FAM107B: variants seen among roughly 807,000 people sequenced by gnomAD.
The protein encoded by FAM107B is protein FAM107B.
In FAM107B, 21 loss-of-function variants were observed where a neutral mutation model predicts 31.5. The ratio of observed to expected loss-of-function variants is 0.67; its 90% confidence interval spans 0.47 to 0.96. The LOEUF (loss-of-function observed/expected upper bound fraction) is 0.96, where lower values mean the gene tolerates loss of function less well. Ranked by LOEUF, FAM107B falls within the 40% of genes least tolerant of loss-of-function variation. The pLI is 0.00. For synonymous variants in FAM107B, 157 were observed against 141.5 expected (o/e 1.11, Z -0.78); for missense variants, 452 against 377.1 (o/e 1.20, Z -1.64).
chr10:14,558,342 C>G (rs1294122236), intron 2 of FAM107B, among the ~76,000 whole-genome samples: 1 of 152,230 alleles, frequency 6.6e-6, no homozygotes, highest in African/African-American at 2.4e-5. Flanking sequence ...TTTGCTCCCT[C>G]TAGCTTTCAG....
rs117873166 is a variant in FAM107B, at chr10:14,692,192, C to T, written c.412-24501G>A. 3.3e-3 allele frequency among the ~76,000 whole-genome samples: 505 copies of T among 152,222 alleles called. 8 individuals carry two copies. The East Asian group carries it at 0.049, about 15-fold the overall frequency. On this transcript the variant is annotated intron_variant, in intron 1 of 4. Coordinates refer to ENST00000181796, the MANE Select transcript of FAM107B (RefSeq NM_031453.4). Reference sequence around the variant, plus strand: ...TCTGCATGATACAATCAGACATCCACCCACAATTTGCTCTGGGTGGAAAGA... The same window carrying T: ...TCTGCATGATACAATCAGACATCCATCCACAATTTGCTCTGGGTGGAAAGA...
chr10:14,583,617 T>C (rs2131314981), intron 2 of FAM107B, among the ~76,000 whole-genome samples: 1 of 151,940 alleles, frequency 6.6e-6, no homozygotes. Flanking sequence ...CCCACCCCAG[T>C]CCTAAAGGTA....
intron 1 of FAM107B, among the ~76,000 whole-genome samples, chr10:14,739,124 C>T (rs533187504): frequency 2.4e-4 from 36 of 152,284 alleles, no homozygotes; most frequent in Non-Finnish European, 3.4e-4. Flanking sequence ...TAAAAGCTGC[C>T]GGTCCTCTAA....
Position 14,520,885 on chromosome 10 carries a change from A to G in FAM107B, c.*305T>C. ...CAAGTAGTGCAACTCTCAAGAATTG[A>G]TTCCAGTGTCCTCTTCCTTTTTCCT... On this transcript the variant is annotated 3_prime_UTR_variant, in exon 5 of 5. Coordinates refer to ENST00000181796, the MANE Select transcript of FAM107B (RefSeq NM_031453.4). 1 of 284,940 alleles carries G rather than the reference A, an allele frequency of 3.5e-6. No homozygotes were observed. Among genetic ancestry groups the G allele is most frequent in the East Asian group, 6.3e-5 (1 of 15,840 alleles). The allele number at this position is 284,940 out of a possible 1,614,324, so 17.7% of individuals were successfully genotyped here.
chr10:14,522,122 C>CAAAATT (rs1478221889), intron 3 of FAM107B, 103 bp from the exon 4 acceptor site: 5 of 1,433,290 alleles, frequency 3.5e-6, no homozygotes, highest in Non-Finnish European at 4.6e-6. Flanking sequence ...AAGTGGTCTA[C>CAAAATT]AAAATTAGTA....
chr10:14,552,554 T>C (rs1479639086), intron 2 of FAM107B, among the ~76,000 whole-genome samples: 1 of 152,090 alleles, frequency 6.6e-6, no homozygotes, highest in Non-Finnish European at 1.5e-5. Context: ...TTCATTATTT[T>C]GGCCAGGCGT....
intron 2 of FAM107B, among the ~76,000 whole-genome samples, chr10:14,656,534 C>A (rs907966597): frequency 6.6e-6 from 1 of 152,134 alleles, no homozygotes; most frequent in South Asian, 2.1e-4. Context: ...GGGTTCCTGG[C>A]ATGCAATACA....
intron 1 of FAM107B, among the ~76,000 whole-genome samples, chr10:14,696,151 C>T (rs1855260958): frequency 6.6e-6 from 1 of 152,212 alleles, no homozygotes; most frequent in African/African-American, 2.4e-5. Context: ...GAGGAACTTT[C>T]ATTCTGTACC....
chr10:14,715,379 A>G (rs1209233588), intron 1 of FAM107B, among the ~76,000 whole-genome samples: 1 of 152,224 alleles, frequency 6.6e-6, no homozygotes, highest in African/African-American at 2.4e-5. Flanking sequence ...AAATACACAG[A>G]AAGATTAGTA....
chr10:14,674,473 C>T (rs551994865), intron 1 of FAM107B, among the ~76,000 whole-genome samples: 24 of 152,266 alleles, frequency 1.6e-4, no homozygotes, highest in African/African-American at 4.6e-4. Context: ...AAAACCACCA[C>T]TTTGTTTTTC....
chr10:14,726,030 G>C (rs557393226), intron 1 of FAM107B, among the ~76,000 whole-genome samples: 6 of 150,314 alleles, frequency 4.0e-5, no homozygotes, highest in African/African-American at 1.5e-4. Flanking sequence ...TTTTGTTCTT[G>C]TTGCCATGGC....
At chr10:14,613,516 G>A (rs925225686) in intron 2 of FAM107B, among the ~76,000 whole-genome samples, 11 of 152,210 alleles carry the variant, frequency 7.2e-5, no homozygotes, top group African/African-American at 2.6e-4. Flanking sequence ...TTTTTTCACT[G>A]CACAAACTTC....
chr10:14,678,728 AAG>A (rs200103354), intron 1 of FAM107B, among the ~76,000 whole-genome samples: 5,149 of 152,308 alleles, frequency 0.034, 285 homozygotes, highest in African/African-American at 0.12. Context: ...ACCTGAGAGA[AAG>A]AGAATTTGAC....
At position 14,774,579 on chromosome 10, in the gene FAM107B, C is replaced by G; in HGVS notation, c.85G>C (p.Ala29Pro). ...MHPFPCSALL[A>P]CFGNTRESAS... ...CTCTCCCTCGTATTCCCAAAACAGG[C>G]GAGCAGAGCTGAGCACGGAAATGGA... The change falls in exon 1 of 5, where the codon GCC becomes CCC. Residue 29 changes from alanine (A) to proline (P), a missense_variant. Physicochemically the swap from Ala to Pro is conservative, Grantham distance 27. Transcript: ENST00000181796. 1 of 1,614,178 alleles carries G rather than the reference C, an allele frequency of 6.2e-7. No individual in the cohort carries two copies. The highest frequency in any genetic ancestry group is 8.5e-7 in the Non-Finnish European group (1 of 1,180,032).
intron 2 of FAM107B, chr10:14,553,974 T>C (rs537961705): frequency 8.5e-4 from 271 of 319,832 alleles, no homozygotes; most frequent in African/African-American, 5.5e-3. Context: ...TCAGGTAGCT[T>C]TCTGAGCCCG....
rs118122792 is a variant in FAM107B at position 14,727,357 on chromosome 10, G to A, written c.411+46896C>T. ...ATTTTAGAAATACACCATCATGCTC[G>A]GGTTTTCATCACACTGCCTGAGCCA... On this transcript the variant is annotated intron_variant, in intron 1 of 4. Coordinates refer to ENST00000181796, the MANE Select transcript of FAM107B (RefSeq NM_031453.4). Among the ~76,000 whole-genome samples, 528 of 152,252 alleles carry A rather than the reference G, an allele frequency of 3.5e-3. 11 individuals carry two copies. In the East Asian group the frequency reaches 0.045, roughly 13 times the overall value.
intron 1 of FAM107B, among the ~76,000 whole-genome samples, chr10:14,769,407 C>T (rs145129639): frequency 5.9e-5 from 9 of 152,098 alleles, no homozygotes; most frequent in Non-Finnish European, 1.3e-4. Context: ...TTTTTTTAGA[C>T]GGAGTCTCAT....
chr10:14,735,621 T>C (rs960546578), intron 1 of FAM107B, among the ~76,000 whole-genome samples: 1 of 152,176 alleles, frequency 6.6e-6, no homozygotes, highest in Non-Finnish European at 1.5e-5. Context: ...AATTCTCCAA[T>C]TGCAAGGGGA....
Position 14,585,431 on chromosome 10 carries a change from CT to C in FAM107B, c.470-54917del, listed in dbSNP as rs139634287. ...CCTCTCCCTCCTCTCTTCCTCTTCC[CT>C]CTCTCACCAGTCCCTGCCACCAAGC... On this transcript the variant is annotated intron_variant, in intron 2 of 4. Coordinates refer to ENST00000181796, the MANE Select transcript of FAM107B (RefSeq NM_031453.4). 7.3e-3 allele frequency among the ~76,000 whole-genome samples: 1,108 copies of C among 152,262 alleles called. 15 individuals carry two copies. Among genetic ancestry groups the C allele is most frequent in the African/African-American group, 0.026 (1,064 of 41,544 alleles).
Sources: allele counts gnomAD v4.1 joint callset (sites outside exome capture counted in the v4.1 genomes callset), GRCh38; gene constraint gnomAD v4.1.1; transcripts MANE v1.5; gene names NCBI Gene and HGNC (gene_info 2026-07-23, HGNC 2026-07-21).